Variants in C1orf94 observed in about 807,000 individuals in gnomAD.
C1orf94 encodes the protein uncharacterized protein C1orf94.
C1orf94 carries 45 observed loss-of-function variants against 53.6 expected under a neutral mutation model. The observed-to-expected ratio is 0.84, with a 90% confidence interval of 0.66 to 1.08. The LOEUF is 1.08. C1orf94 is among the 50% of genes least tolerant of loss of function. C1orf94 has a pLI of 0.00. For missense variants in C1orf94, 762 were observed against 738.9 expected (o/e 1.03, Z -0.36); for synonymous variants, 304 against 296.1 (o/e 1.03, Z -0.27).
At chr1:34,204,077 T>G (rs1642755143) in intron 4 of C1orf94, among the ~76,000 whole-genome samples, 1 of 152,204 alleles carries the variant, frequency 6.6e-6, no homozygotes, top group Admixed American at 6.5e-5. Context: ...CAGCACAGCC[T>G]GAAGTGAGAA....
chr1:34,194,415 C>T (rs1642546874), intron 1 of C1orf94, among the ~76,000 whole-genome samples: 1 of 152,136 alleles, frequency 6.6e-6, no homozygotes, highest in Non-Finnish European at 1.5e-5. Flanking sequence ...CAGGAGTGAC[C>T]TCCCAGGTGC....
At chr1:34,210,982 G>T (rs297791) in intron 5 of C1orf94, among the ~76,000 whole-genome samples, 5,538 of 152,050 alleles carry the variant, frequency 0.036, 243 homozygotes, top group African/African-American at 0.11. Context: ...TTAGATAAGG[G>T]TGTATGGGGT....
At chr1:34,189,867 C>T (rs753314) in intron 1 of C1orf94, among the ~76,000 whole-genome samples, 20,589 of 152,216 alleles carry the variant, frequency 0.14, 1,948 homozygotes, top group African/African-American at 0.27. Context: ...AGAAGGGAAG[C>T]GAATTGTAGA....
rs923977955 is a variant in C1orf94, at chr1:34,208,208, C to A, written c.1498C>A (p.Pro500Thr). Residue 500 changes from proline to threonine, a missense_variant, in exon 5 of 7, where the codon CCG (proline) becomes ACG (threonine). Transcript: ENST00000488417. ...ARMPYQQALH[P>T]QLGCYSQQVM... ...GATGCCCTATCAGCAGGCTTTGCAC[C>A]CGCAGCTGGGATGTTACTCCCAACA... The A allele has an allele frequency of 6.2e-7, 1 of 1,614,076 alleles. No individual in the cohort carries two copies. The highest frequency in any genetic ancestry group is 1.7e-5 in the Admixed American group (1 of 60,020).
rs1439383339 is a variant in C1orf94, at chr1:34,178,019, C to T, written c.230C>T (p.Pro77Leu). 2 of 1,551,746 alleles carry T rather than the reference C, an allele frequency of 1.3e-6. No homozygotes were observed. Among genetic ancestry groups the T allele is most frequent in the African/African-American group, 1.4e-5 (1 of 73,184 alleles). The part of the protein sequence containing the change: ...HEIWKRVQGL[P>L]EASQPWTSME... ...ATCTGGAAGAGAGTTCAAGGCCTGC[C>T]TGAGGCCTCACAGCCCTGGACCTCC... The change falls in exon 1 of 7, where the codon CCT (proline) becomes CTT (leucine). Residue 77 changes from proline to leucine, a missense_variant. Physicochemically the swap from Pro to Leu is moderately conservative, Grantham distance 98. Coordinates refer to ENST00000488417, the MANE Select transcript of C1orf94 (RefSeq NM_001134734.2).
intron 4 of C1orf94, among the ~76,000 whole-genome samples, chr1:34,202,969 C>T (rs79506755): frequency 2.0e-5 from 3 of 152,094 alleles, no homozygotes; most frequent in Non-Finnish European, 4.4e-5. Context: ...CATTATTAGG[C>T]GTTGTTAGTA....
chr1:34,208,616 C>A lies in C1orf94; in HGVS notation c.1524+382C>A, dbSNP rs192011679. On this transcript the variant is annotated intron_variant, in intron 5 of 6. Coordinates refer to ENST00000488417, the MANE Select transcript of C1orf94 (RefSeq NM_001134734.2). ...ACATACAAATTAGGTGTTGCTGTGG[C>A]AATACATAACCGCCACATCTCGGGG... Among the ~76,000 whole-genome samples, 278 of 152,120 alleles carry A rather than the reference C, an allele frequency of 1.8e-3. 2 individuals carry two copies. The highest frequency in any genetic ancestry group is 6.2e-3 in the African/African-American group (258 of 41,504).
At chr1:34,188,175 G>A (rs1409918689) in intron 1 of C1orf94, among the ~76,000 whole-genome samples, 1 of 152,186 alleles carries the variant, frequency 6.6e-6, no homozygotes, top group Non-Finnish European at 1.5e-5. Context: ...CACTACAGGT[G>A]ACTCATGCAT....
chr1:34,200,638 A>G (rs1342846724), intron 2 of C1orf94, 134 bp from the exon 3 acceptor site: 92 of 1,230,904 alleles, frequency 7.5e-5, no homozygotes, highest in Non-Finnish European at 1.0e-4. Flanking sequence ...TTTGGCTGAA[A>G]GAGAGTCCCC....
At chr1:34,213,592 G>A (rs956859604) in intron 6 of C1orf94, among the ~76,000 whole-genome samples, 6 of 152,024 alleles carry the variant, frequency 3.9e-5, no homozygotes, top group Non-Finnish European at 7.4e-5. Flanking sequence ...CCAGGCTGGA[G>A]TGCAATGGCG....
At chr1:34,175,714 T>C (rs1322457899), upstream of C1orf94, among the ~76,000 whole-genome samples, 7 of 152,170 alleles carry the variant, frequency 4.6e-5, no homozygotes, top group Non-Finnish European at 1.5e-5. Context: ...GAGTGCCTAC[T>C]ATGTGCCAGA....
At chr1:34,209,578 C>T (rs297799) in intron 5 of C1orf94, among the ~76,000 whole-genome samples, 39,338 of 152,056 alleles carry the variant, frequency 0.26, 5,435 homozygotes, top group African/African-American at 0.35. Context: ...ACCTCTGCCT[C>T]TCCTGTCTCC....
At chr1:34,189,225 T>G (rs1642440726) in intron 1 of C1orf94, among the ~76,000 whole-genome samples, 1 of 152,056 alleles carries the variant, frequency 6.6e-6, no homozygotes, top group African/African-American at 2.4e-5. Flanking sequence ...TATATTTGTG[T>G]GCATGGCTGT....
chr1:34,206,116 A>G (rs1642788099), intron 4 of C1orf94, among the ~76,000 whole-genome samples: 1 of 152,124 alleles, frequency 6.6e-6, no homozygotes, highest in African/African-American at 2.4e-5. Flanking sequence ...CACAGAGCCT[A>G]GGGCAGCCTG....
chr1:34,201,085 T>G (rs1642700200), intron 3 of C1orf94, 53 bp downstream of exon 3: 9 of 1,542,446 alleles, frequency 5.8e-6, no homozygotes, highest in Non-Finnish European at 7.9e-6. Context: ...GCAGTGACCC[T>G]CACAGGCTTC....
chr1:34,167,784 T>C (rs975733236), intron 1 of C1orf94, among the ~76,000 whole-genome samples: 20 of 151,920 alleles, frequency 1.3e-4, no homozygotes, highest in Admixed American at 9.2e-4. Flanking sequence ...CCGAGAGGCA[T>C]GTCAAGACAG....
chr1:34,175,557 A>G (rs1214500000), upstream of C1orf94, among the ~76,000 whole-genome samples: 2 of 152,148 alleles, frequency 1.3e-5, no homozygotes, highest in Non-Finnish European at 2.9e-5. Context: ...AAATCAAAGG[A>G]GAATGAAGCT....
At chr1:34,202,002 TA>T in intron 3 of C1orf94, 81 bp from the exon 4 acceptor site, 1 of 1,433,640 alleles carries the variant, frequency 7.0e-7, no homozygotes, top group Non-Finnish European at 9.7e-7. Context: ...TGTGAATCCC[TA>T]AGGAAGTTGC....
intron 3 of C1orf94, 54 bp downstream of exon 3, chr1:34,201,086 C>T: frequency 6.5e-7 from 1 of 1,542,524 alleles, no homozygotes; most frequent in Non-Finnish European, 8.8e-7. Context: ...CAGTGACCCT[C>T]ACAGGCTTCA....
Sources: gnomAD v4.1 joint callset for allele counts (sites outside exome capture counted in the v4.1 genomes callset) on GRCh38, gnomAD v4.1.1 for gene constraint, MANE v1.5 for transcripts, NCBI Gene and HGNC (gene_info 2026-07-23, HGNC 2026-07-21) for gene names.